The following IMMP2L variants were observed in gnomAD, a reference collection of about 807,000 sequenced individuals.
IMMP2L encodes the protein inner mitochondrial membrane peptidase subunit 2, also known as mitochondrial inner membrane protease subunit 2.
In IMMP2L, 18 loss-of-function variants were observed where a neutral mutation model predicts 19.3. The ratio of observed to expected loss-of-function variants is 0.93; its 90% CI spans 0.64 to 1.38. The LOEUF is 1.38. IMMP2L is among the 40% of genes most tolerant of loss of function. IMMP2L has a pLI of 0.00. For missense variants in IMMP2L, 233 were observed against 218.2 expected, an observed-to-expected ratio of 1.07 and a Z score of -0.43; for synonymous variants, 76 against 73.0, an observed-to-expected ratio of 1.04 and a Z score of -0.21.
intron 3 of IMMP2L, among the ~76,000 whole-genome samples, chr7:111,349,397 T>G (rs1165351087): frequency 6.6e-6 from 1 of 151,990 alleles, no homozygotes; most frequent in Non-Finnish European, 1.5e-5. Context: ...GCAATATACC[T>G]CACTATGGAA....
intron 3 of IMMP2L, among the ~76,000 whole-genome samples, chr7:111,096,662 T>C (rs1426479760): frequency 1.3e-5 from 2 of 151,680 alleles, no homozygotes; most frequent in Non-Finnish European, 2.9e-5. Context: ...CTGGAAAAAA[T>C]GAGATGAGTA....
intron 5 of IMMP2L, among the ~76,000 whole-genome samples, chr7:110,852,220 G>A (rs1265106542): frequency 6.6e-6 from 1 of 151,560 alleles, no homozygotes; most frequent in Non-Finnish European, 1.5e-5. Context: ...ATGGATGGAT[G>A]GATGGATGGA....
At chr7:111,299,004 A>G (rs569088717) in intron 3 of IMMP2L, among the ~76,000 whole-genome samples, 1 of 152,276 alleles carries the variant, frequency 6.6e-6, no homozygotes, top group South Asian at 2.1e-4. Flanking sequence ...GGGAGAAAGT[A>G]CAGTCAAAAG....
chr7:111,082,157 T>A lies in IMMP2L; in HGVS notation c.240-118592A>T, dbSNP rs959490083. Among the ~76,000 whole-genome samples the A allele has an allele frequency of 3.9e-5, 6 of 152,320 alleles. No individual in the cohort carries two copies. In the South Asian group the frequency reaches 6.2e-4, roughly 16 times the overall value. ...ATGTGTTTGTTTATTGGCACAGGGA[T>A]AGCACTACACCATTTAGTTATAAAG... is the stretch of plus-strand genomic sequence containing the variant. On this transcript the variant is annotated intron_variant, in intron 3 of 5. Coordinates refer to ENST00000405709, the MANE Select transcript of IMMP2L (RefSeq NM_032549.4).
rs923844351 is a variant in IMMP2L at position 110,884,617 on chromosome 7, C to T, written c.408+1976G>A. 2.0e-5 allele frequency among the ~76,000 whole-genome samples: 3 copies of T among 151,990 alleles called. No individual in the cohort carries two copies. In the East Asian group the frequency reaches 5.8e-4, roughly 29 times the overall value. On this transcript the variant is annotated intron_variant, in intron 5 of 5. Coordinates refer to ENST00000405709, the MANE Select transcript of IMMP2L (RefSeq NM_032549.4). Reference sequence around the variant, plus strand: ...GACATCACACGCAATGGAAACATTTCATACCCAATCATATCTGTGATGAGA... The same window carrying T: ...GACATCACACGCAATGGAAACATTTTATACCCAATCATATCTGTGATGAGA...
At chr7:110,873,059 C>T (rs71572826) in intron 5 of IMMP2L, among the ~76,000 whole-genome samples, 1 of 152,190 alleles carries the variant, frequency 6.6e-6, no homozygotes, top group Non-Finnish European at 1.5e-5. Context: ...TAATTTCTCT[C>T]TCTGCTAGGT....
chr7:111,508,458 G>C lies in IMMP2L; in HGVS notation c.135+12855C>G, dbSNP rs954097223. ...GCTCAGGTAGGTCCGAGTTCTTGTC[G>C]CACAACCAGGAAGAATTAGGCATGC... is the stretch of plus-strand genomic sequence containing the variant. On this transcript the variant is annotated intron_variant, in intron 2 of 5. Transcript: ENST00000405709. Among the ~76,000 whole-genome samples, 24 of 152,124 alleles carry C rather than the reference G, an allele frequency of 1.6e-4. 1 individual carries two copies. Among genetic ancestry groups the C allele is most frequent in the African/African-American group, 4.8e-4 (20 of 41,510 alleles).
chr7:111,184,495 T>C (rs1216425955), intron 3 of IMMP2L, among the ~76,000 whole-genome samples: 6 of 152,098 alleles, frequency 3.9e-5, no homozygotes, highest in Non-Finnish European at 8.8e-5. Flanking sequence ...CTCTCAAGCA[T>C]TGAAAGGAAC....
intron 3 of IMMP2L, among the ~76,000 whole-genome samples, chr7:111,445,724 C>T (rs187423724): frequency 3.3e-5 from 5 of 152,144 alleles, no homozygotes; most frequent in Non-Finnish European, 7.4e-5. Flanking sequence ...CGAATAGGAA[C>T]AGCTCCGGTC....
intron 3 of IMMP2L, among the ~76,000 whole-genome samples, chr7:111,385,399 C>A (rs1000645293): frequency 5.3e-5 from 8 of 152,120 alleles, no homozygotes; most frequent in African/African-American, 1.9e-4. Flanking sequence ...CTGTTCTCTA[C>A]ATTTTGGGCA....
chr7:111,394,340 CT>C (rs1216955875), intron 3 of IMMP2L, among the ~76,000 whole-genome samples: 5 of 152,118 alleles, frequency 3.3e-5, no homozygotes, highest in Non-Finnish European at 7.4e-5. Context: ...ATTTTCATTG[CT>C]GCCATCATTG....
chr7:110,882,306 TTCCTTCCTTCCTTCCTTCCTTCC>T (rs1247617648), intron 5 of IMMP2L, among the ~76,000 whole-genome samples: 2 of 106,118 alleles, frequency 1.9e-5, no homozygotes, highest in Non-Finnish European at 4.3e-5. Context: ...CCTTCCTTCC[TTCCTTCCTTCCTTCCTTCCTTCC>T]TTCCTTCCTT....
intron 2 of IMMP2L, among the ~76,000 whole-genome samples, chr7:111,510,454 T>C (rs1454407622): frequency 6.6e-6 from 1 of 152,100 alleles, no homozygotes; most frequent in Non-Finnish European, 1.5e-5. Flanking sequence ...TATTATGATG[T>C]TTTGACACGT....
In IMMP2L at chr7:111,429,501, C is replaced by T. The variant is rs537223407; in HGVS notation, c.239+57737G>A. Among the ~76,000 whole-genome samples, 5 of 151,714 alleles carry T rather than the reference C, an allele frequency of 3.3e-5. No homozygotes were observed. In the South Asian group the frequency reaches 1.0e-3, roughly 32 times the overall value. ...TGCTAGGCATGGTTCCTGAATTCAA[C>T]AGCAGGATAATACCTGTCCACTATG... On this transcript the variant is annotated intron_variant, in intron 3 of 5. Transcript: ENST00000405709.
At position 111,165,826 on chromosome 7, in the gene IMMP2L, T is replaced by C. The variant is rs564725645; in HGVS notation, c.240-202261A>G. 1.8e-4 allele frequency among the ~76,000 whole-genome samples: 28 copies of C among 152,116 alleles called. No individual in the cohort carries two copies. In the South Asian group the frequency reaches 5.8e-3, roughly 31 times the overall value. The stretch of plus-strand genomic sequence containing the variant: ...TTGAGATCAAATTGCAGCTCTGCCT[T>C]CTACCATTTGAAGGCCAAGCCCCCG... On this transcript the variant is annotated intron_variant, in intron 3 of 5. Coordinates refer to ENST00000405709, the MANE Select transcript of IMMP2L (RefSeq NM_032549.4).
intron 3 of IMMP2L, among the ~76,000 whole-genome samples, chr7:111,141,848 G>A (rs1274597892): frequency 6.6e-6 from 1 of 152,120 alleles, no homozygotes; most frequent in Non-Finnish European, 1.5e-5. Flanking sequence ...CTACAGGTGT[G>A]CACCACCATG....
intron 5 of IMMP2L, among the ~76,000 whole-genome samples, chr7:110,872,373 A>G (rs1266641351): frequency 1.3e-5 from 2 of 152,132 alleles, no homozygotes; most frequent in African/African-American, 2.4e-5. Context: ...TTCTTGCTAG[A>G]TATCACTTCT....
intron 3 of IMMP2L, among the ~76,000 whole-genome samples, chr7:111,082,597 C>A (rs1253002644): frequency 6.6e-6 from 1 of 152,094 alleles, no homozygotes; most frequent in Non-Finnish European, 1.5e-5. Flanking sequence ...TATGTGAAAG[C>A]CTTCAGCACA....
intron 3 of IMMP2L, among the ~76,000 whole-genome samples, chr7:110,984,656 A>C (rs1821668732): frequency 6.6e-6 from 1 of 152,110 alleles, no homozygotes; most frequent in Admixed American, 6.6e-5. Flanking sequence ...TTATTTTAAT[A>C]AAAATATTTT....
Sources: allele counts gnomAD v4.1 joint callset (sites outside exome capture counted in the v4.1 genomes callset), GRCh38; gene constraint gnomAD v4.1.1; transcripts MANE v1.5; gene names NCBI Gene and HGNC (gene_info 2026-07-23, HGNC 2026-07-21).